Variants in EPB41L3 observed in about 807,000 individuals in gnomAD.
EPB41L3 encodes erythrocyte membrane protein band 4.1 like 3.
A neutral mutation model predicts 127.1 loss-of-function variants in EPB41L3; 57 were observed. The ratio of observed to expected loss-of-function variants is 0.45; its 90% CI spans 0.36 to 0.56. The LOEUF (loss-of-function observed/expected upper bound fraction) is 0.56, where lower values mean the gene tolerates loss of function less well. Ranked by LOEUF, EPB41L3 falls within the 20% of genes least tolerant of loss-of-function variation. The pLI is 0.00. For missense variants in EPB41L3, 1,273 were observed against 1,372.2 expected (o/e 0.93, Z 1.14); for synonymous variants, 572 against 549.5 (o/e 1.04, Z -0.57).
chr18:5,490,072 T>C (rs746870422), intron 1 of EPB41L3, among the ~76,000 whole-genome samples: 2 of 152,238 alleles, frequency 1.3e-5, no homozygotes, highest in Non-Finnish European at 2.9e-5. Context: ...TGATAATACC[T>C]AAATAACTTA....
intron 3 of EPB41L3, among the ~76,000 whole-genome samples, chr18:5,475,365 G>C (rs553397756): frequency 6.7e-6 from 1 of 149,176 alleles, no homozygotes; most frequent in African/African-American, 2.4e-5. Context: ...CTTTAAGGAA[G>C]TTCCTTGAAA....
chr18:5,621,922 A>G (rs181021269), intron 1 of EPB41L3, among the ~76,000 whole-genome samples: 2 of 152,352 alleles, frequency 1.3e-5, no homozygotes, highest in African/African-American at 4.8e-5. Context: ...GATAGTCATT[A>G]CTTTTTCTGC....
rs750074788 is a variant in EPB41L3, at chr18:5,478,304, C to A, written c.318G>T (p.Lys106Asn). 3.3e-5 allele frequency: 54 copies of A among 1,614,084 alleles called. No homozygotes were observed. Among genetic ancestry groups the A allele is most frequent in the Non-Finnish European group, 4.6e-5 (54 of 1,180,000 alleles). Residue 106 changes from lysine (K) to asparagine (N), a missense_variant, in exon 3 of 23, where the codon AAG becomes AAT. Transcript: ENST00000341928. ...LSRSPLKIVK[K>N]PKSMQCKVIL... is the part of the protein sequence containing the mutation. ...TCACTTTGCACTGCATGCTTTTAGG[C>A]TTTTTGACAATCTTTAATGGAGACC...
chr18:5,549,080 C>T (rs1418296242), upstream of EPB41L3, among the ~76,000 whole-genome samples: 2 of 152,166 alleles, frequency 1.3e-5, no homozygotes, highest in Non-Finnish European at 2.9e-5. Flanking sequence ...ATTCAGAAGT[C>T]GGGCTTATTA....
At chr18:5,416,510 G>T in intron 12 of EPB41L3, 132 bp from the exon 13 acceptor site, 1 of 903,182 alleles carries the variant, frequency 1.1e-6, no homozygotes, top group Non-Finnish European at 1.6e-6. Context: ...TTAGCACTAG[G>T]GTTGCTCATG....
chr18:5,626,022 C>T (rs557217098), intron 1 of EPB41L3, among the ~76,000 whole-genome samples: 1 of 151,948 alleles, frequency 6.6e-6, no homozygotes, highest in East Asian at 1.9e-4. Context: ...CGCACCCAAT[C>T]AGCCCCAATT....
At chr18:5,438,153 C>A in intron 5 of EPB41L3, 43 bp from the exon 6 acceptor site, 1 of 1,579,846 alleles carries the variant, frequency 6.3e-7, no homozygotes. Flanking sequence ...TTGAGAAATT[C>A]TTATGACTCT....
intron 3 of EPB41L3, among the ~76,000 whole-genome samples, chr18:5,571,637 A>G (rs760282681): frequency 1.2e-4 from 19 of 152,248 alleles, no homozygotes; most frequent in Non-Finnish European, 2.4e-4. Flanking sequence ...ATTGGTTTAA[A>G]GTGGATCCAG....
At chr18:5,607,304 A>T (rs935970398) in intron 3 of EPB41L3, among the ~76,000 whole-genome samples, 14 of 152,206 alleles carry the variant, frequency 9.2e-5, no homozygotes, top group African/African-American at 3.1e-4. Context: ...CTCAGGAAAG[A>T]TATGATGAGG....
At position 5,503,543 on chromosome 18, in the gene EPB41L3, G is replaced by C. The variant is rs985611908; in HGVS notation, c.-11-14349C>G. Among the ~76,000 whole-genome samples, 103 of 152,316 alleles carry C rather than the reference G, an allele frequency of 6.8e-4. 1 individual carries two copies. The highest frequency in any genetic ancestry group is 2.4e-3 in the African/African-American group (101 of 41,564). On this transcript the variant is annotated intron_variant, in intron 1 of 22. Coordinates refer to ENST00000341928, the MANE Select transcript of EPB41L3 (RefSeq NM_012307.5). ...TAAAATGCAGCCTGGAATGAGAGTG[G>C]TGAGATCGCATTATCTGCACTTTTA...
intron 3 of EPB41L3, among the ~76,000 whole-genome samples, chr18:5,566,206 C>A (rs2094196371): frequency 6.6e-6 from 1 of 152,148 alleles, no homozygotes; most frequent in African/African-American, 2.4e-5. Flanking sequence ...GATTGTATAT[C>A]TAGAAAACCC....
intron 3 of EPB41L3, among the ~76,000 whole-genome samples, chr18:5,473,796 G>A (rs1377565780): frequency 6.6e-6 from 1 of 152,124 alleles, no homozygotes; most frequent in Non-Finnish European, 1.5e-5. Flanking sequence ...AACAAGAGGA[G>A]AATCACATAG....
At chr18:5,592,374 T>A (rs1328969756) in intron 3 of EPB41L3, among the ~76,000 whole-genome samples, 1 of 151,942 alleles carries the variant, frequency 6.6e-6, no homozygotes, top group East Asian at 1.9e-4. Flanking sequence ...ACCATGTTGG[T>A]CAGGCTGGTT....
intron 1 of EPB41L3, among the ~76,000 whole-genome samples, chr18:5,528,507 A>G (rs2093309500): frequency 6.6e-6 from 1 of 151,782 alleles, no homozygotes; most frequent in South Asian, 2.1e-4. Flanking sequence ...ATAGGTCATC[A>G]TCTTTTCAAT....
chr18:5,420,095 G>A, intron 11 of EPB41L3: 2 of 910,112 alleles, frequency 2.2e-6, no homozygotes, highest in Non-Finnish European at 3.2e-6. Flanking sequence ...ATGAGAGCAT[G>A]ACCTTCCTGT....
upstream of EPB41L3, chr18:5,630,273 C>G: frequency 2.1e-6 from 1 of 466,502 alleles, no homozygotes; most frequent in Non-Finnish European, 4.2e-6. Flanking sequence ...TCTCCCCCAT[C>G]GACCTCGAGC....
At position 5,396,300 on chromosome 18, in the gene EPB41L3, A is replaced by C; in HGVS notation, c.2874T>G (p.Phe958Leu). 1 of 1,614,230 alleles carries C rather than the reference A, an allele frequency of 6.2e-7. No homozygotes were observed. Among genetic ancestry groups the C allele is most frequent in the Non-Finnish European group, 8.5e-7 (1 of 1,180,026 alleles). ...TTACTCCTCCCGGTGAAACACTGCC[A>C]AAACTGATGGTTTCCGTCTTCACCG... The part of the protein sequence containing the change: ...SSTVKTETIS[F>L]GSVSPGGVKL... Residue 958 changes from phenylalanine (F) to leucine (L), a missense_variant, in exon 19 of 23, where the codon TTT (phenylalanine) becomes TTG (leucine). Phe to Leu is a conservative substitution (Grantham distance 22, BLOSUM62 0). Coordinates refer to ENST00000341928, the MANE Select transcript of EPB41L3 (RefSeq NM_012307.5).
chr18:5,484,306 T>C (rs947037222), intron 2 of EPB41L3, among the ~76,000 whole-genome samples: 8 of 150,450 alleles, frequency 5.3e-5, no homozygotes, highest in Non-Finnish European at 1.5e-5. Flanking sequence ...AGTGAAAATG[T>C]AAATACAAGA....
chr18:5,524,309 G>A (rs568605522), intron 1 of EPB41L3, among the ~76,000 whole-genome samples: 4 of 151,974 alleles, frequency 2.6e-5, no homozygotes, highest in South Asian at 2.1e-4. Flanking sequence ...GTCTCCCGCC[G>A]CAGCCTCCCA....
Sources: allele counts gnomAD v4.1 joint callset (sites outside exome capture counted in the v4.1 genomes callset), GRCh38; gene constraint gnomAD v4.1.1; transcripts MANE v1.5; gene names NCBI Gene and HGNC (gene_info 2026-07-23, HGNC 2026-07-21).